PRKG1: variants seen among roughly 807,000 people sequenced by gnomAD.
The protein encoded by PRKG1 is cGMP-dependent protein kinase 1.
Under a neutral mutation model 88.1 loss-of-function variants are expected in PRKG1, and 35 were observed. The ratio of observed to expected loss-of-function variants is 0.40; its 90% CI spans 0.30 to 0.53. The LOEUF is 0.53. Among genes scored for constraint, PRKG1 ranks in the 20% least tolerant of loss-of-function variants. The pLI is 0.59. For synonymous variants in PRKG1, 303 were observed against 292.5 expected (o/e 1.04, Z -0.37); for missense variants, 540 against 839.8 (o/e 0.64, Z 4.41).
At chr10:51,289,881 C>T (rs1840538162) in intron 2 of PRKG1, among the ~76,000 whole-genome samples, 1 of 152,170 alleles carries the variant, frequency 6.6e-6, no homozygotes, top group Admixed American at 6.6e-5. Context: ...GACTGCATTT[C>T]ACTCTGCAGC....
chr10:51,825,895 C>T (rs1370349714), intron 4 of PRKG1, among the ~76,000 whole-genome samples: 1 of 152,050 alleles, frequency 6.6e-6, no homozygotes, highest in African/African-American at 2.4e-5. Flanking sequence ...CCAAGTCTGG[C>T]CTTTGTCTAT....
chr10:51,830,842 G>A (rs576509321), intron 4 of PRKG1, among the ~76,000 whole-genome samples: 28 of 152,070 alleles, frequency 1.8e-4, no homozygotes, highest in African/African-American at 5.8e-4. Flanking sequence ...TATTACAGGC[G>A]TTAGCCACCG....
At chr10:51,341,404 A>G (rs931015791) in intron 2 of PRKG1, among the ~76,000 whole-genome samples, 1 of 152,190 alleles carries the variant, frequency 6.6e-6, no homozygotes, top group South Asian at 2.1e-4. Context: ...AAAGAGAAGT[A>G]AAGCCTGTTG....
chr10:51,530,540 C>T (rs530488593), intron 3 of PRKG1, among the ~76,000 whole-genome samples: 1 of 152,270 alleles, frequency 6.6e-6, no homozygotes, highest in East Asian at 1.9e-4. Flanking sequence ...CTATTTTCCA[C>T]ATTTTGTATT....
intron 2 of PRKG1, among the ~76,000 whole-genome samples, chr10:51,285,895 C>T (rs1340844467): frequency 1.2e-4 from 18 of 152,192 alleles, no homozygotes. Context: ...TAGGAGGAAC[C>T]TAAGGACCCA....
At chr10:52,100,722 G>T (rs1589606077) in intron 7 of PRKG1, among the ~76,000 whole-genome samples, 2 of 152,122 alleles carry the variant, frequency 1.3e-5, no homozygotes, top group South Asian at 4.1e-4. Flanking sequence ...TGTTAAAATT[G>T]CTTTGTTGGT....
At position 51,793,835 on chromosome 10, in the gene PRKG1, C is replaced by G. The variant is rs945434075; in HGVS notation, c.593-10750C>G. On this transcript the variant is annotated intron_variant, in intron 3 of 17. Transcript: ENST00000373980. Reference sequence around the variant, plus strand: ...GGAGTGCAGTGGCATGATCTCAGCTCACTGCAACCTCTGCCTCCTGGGTTC... The same window carrying G: ...GGAGTGCAGTGGCATGATCTCAGCTGACTGCAACCTCTGCCTCCTGGGTTC... Among the ~76,000 whole-genome samples, 23 of 152,248 alleles carry G rather than the reference C, an allele frequency of 1.5e-4. No individual in the cohort carries two copies. In the East Asian group the frequency reaches 4.3e-3, roughly 28 times the overall value.
At chr10:52,061,702 T>G (rs1261260777) in intron 6 of PRKG1, among the ~76,000 whole-genome samples, 1 of 152,140 alleles carries the variant, frequency 6.6e-6, no homozygotes, top group Non-Finnish European at 1.5e-5. Flanking sequence ...AATACAACTT[T>G]CTTTTAAGGG....
At chr10:51,759,143 G>A (rs1292581254) in intron 3 of PRKG1, among the ~76,000 whole-genome samples, 1 of 152,092 alleles carries the variant, frequency 6.6e-6, no homozygotes, top group Non-Finnish European at 1.5e-5. Context: ...TGTGAATAGT[G>A]CTGAAATAAA....
chr10:51,878,550 T>A (rs1219468270), intron 4 of PRKG1, among the ~76,000 whole-genome samples: 1 of 152,186 alleles, frequency 6.6e-6, no homozygotes, highest in Admixed American at 6.6e-5. Flanking sequence ...AAAAGTTTTA[T>A]AAGAAAGGAC....
chr10:51,667,598 G>A (rs1368360308), intron 3 of PRKG1, among the ~76,000 whole-genome samples: 1 of 152,060 alleles, frequency 6.6e-6, no homozygotes, highest in Non-Finnish European at 1.5e-5. Context: ...AAAGGGTTCC[G>A]GGGACTATAA....
At chr10:51,745,447 A>G (rs1294425987) in intron 3 of PRKG1, among the ~76,000 whole-genome samples, 2 of 152,216 alleles carry the variant, frequency 1.3e-5, no homozygotes, top group Non-Finnish European at 2.9e-5. Context: ...AGTACACTTT[A>G]AATACAAAAG....
intron 9 of PRKG1, among the ~76,000 whole-genome samples, chr10:52,215,519 A>G (rs944478738): frequency 3.3e-5 from 5 of 152,184 alleles, no homozygotes; most frequent in Admixed American, 6.5e-5. Context: ...TCTTTTGTGC[A>G]TCTCAGGTCA....
At chr10:52,134,668 C>T (rs959375509) in intron 8 of PRKG1, among the ~76,000 whole-genome samples, 45 of 152,216 alleles carry the variant, frequency 3.0e-4, no homozygotes, top group Non-Finnish European at 2.2e-4. Flanking sequence ...AACTGTAAAA[C>T]ATCCATTTTA....
chr10:51,648,693 T>C (rs1300984511), intron 3 of PRKG1, among the ~76,000 whole-genome samples: 1 of 152,172 alleles, frequency 6.6e-6, no homozygotes, highest in Non-Finnish European at 1.5e-5. Context: ...ACCTCAGCAT[T>C]ACCAATAAGG....
chr10:51,284,116 G>C (rs544542539), intron 2 of PRKG1, among the ~76,000 whole-genome samples: 4 of 152,230 alleles, frequency 2.6e-5, no homozygotes, highest in Admixed American at 1.3e-4. Flanking sequence ...TCTATTCCAG[G>C]TAGCAAGAAA....
chr10:51,500,530 T>C (rs1273078944), intron 3 of PRKG1, among the ~76,000 whole-genome samples: 1 of 152,180 alleles, frequency 6.6e-6, no homozygotes, highest in Non-Finnish European at 1.5e-5. Flanking sequence ...TCCCAGTTTC[T>C]ACCAATATCC....
At chr10:52,028,355 C>A (rs1028432337) in intron 5 of PRKG1, among the ~76,000 whole-genome samples, 1 of 152,092 alleles carries the variant, frequency 6.6e-6, no homozygotes, top group Admixed American at 6.5e-5. Context: ...CCTTTAACTT[C>A]CAACAAGATT....
At chr10:51,634,216 T>G (rs1589148693) in intron 3 of PRKG1, among the ~76,000 whole-genome samples, 1 of 152,070 alleles carries the variant, frequency 6.6e-6, no homozygotes, top group South Asian at 2.1e-4. Flanking sequence ...AAAATGAGAC[T>G]CTGAAATATT....
Sources: gnomAD v4.1 joint callset for allele counts (sites outside exome capture counted in the v4.1 genomes callset) on GRCh38, gnomAD v4.1.1 for gene constraint, MANE v1.5 for transcripts, NCBI Gene and HGNC (gene_info 2026-07-23, HGNC 2026-07-21) for gene names.